Variants in TRAPPC9 observed in about 807,000 individuals in gnomAD.
TRAPPC9 encodes IKK2 binding protein.
A neutral mutation model predicts 124.0 loss-of-function variants in TRAPPC9; 83 were observed. The ratio of observed to expected loss-of-function variants is 0.67; its 90% CI spans 0.56 to 0.80. The LOEUF is 0.80. TRAPPC9 is among the 30% of genes least tolerant of loss of function. The pLI is 0.00. For synonymous variants in TRAPPC9, 638 were observed against 617.5 expected (o/e 1.03, Z -0.49); for missense variants, 1,302 against 1,508.3 (o/e 0.86, Z 2.27).
At chr8:140,380,732 G>A (rs1322394502) in intron 7 of TRAPPC9, among the ~76,000 whole-genome samples, 2 of 150,848 alleles carry the variant, frequency 1.3e-5, no homozygotes, top group Admixed American at 1.3e-4. Context: ...ACTCAAAATG[G>A]GTCACAGACC....
intron 21 of TRAPPC9, among the ~76,000 whole-genome samples, chr8:139,839,094 G>A (rs1171809144): frequency 1.3e-5 from 2 of 152,222 alleles, no homozygotes; most frequent in African/African-American, 4.8e-5. Flanking sequence ...TCTCCCTCAG[G>A]GTGCATCTTT....
At chr8:140,157,389 A>AAGCCTCCCTTTTCCATTCAG (rs2061672583) in intron 17 of TRAPPC9, among the ~76,000 whole-genome samples, 1 of 149,782 alleles carries the variant, frequency 6.7e-6, no homozygotes, top group African/African-American at 2.4e-5. Context: ...TTTCCATTCA[A>AAGCCTCCCTTTTCCATTCAG]AAGCCTTCCT....
At chr8:140,313,838 A>AGG (rs2066374438) in intron 9 of TRAPPC9, among the ~76,000 whole-genome samples, 2 of 152,164 alleles carry the variant, frequency 1.3e-5, no homozygotes, top group Non-Finnish European at 2.9e-5. Context: ...TGCTAGGGAC[A>AGG]GGGAATGGGG....
In TRAPPC9 at chr8:139,731,962, T is replaced by C. The variant is rs552211260; in HGVS notation, c.3279+17A>G. On this transcript the variant is annotated intron_variant, in intron 22 of 22. Coordinates refer to ENST00000438773, the MANE Select transcript of TRAPPC9 (RefSeq NM_001160372.4). ...ATGGCCAGAGGCTCCCAGACCGCCTTGCACACCACCACGCACCGCGTCGAG... is the reference window on the plus strand; with the variant it reads ...ATGGCCAGAGGCTCCCAGACCGCCTCGCACACCACCACGCACCGCGTCGAG... 120 of 1,559,000 alleles carry C rather than the reference T, an allele frequency of 7.7e-5. No homozygotes were observed. Among genetic ancestry groups the C allele is most frequent in the Non-Finnish European group, 1.0e-4 (119 of 1,150,854 alleles).
intron 11 of TRAPPC9, among the ~76,000 whole-genome samples, chr8:140,298,266 G>A (rs1027060855): frequency 2.6e-5 from 4 of 152,028 alleles, no homozygotes; most frequent in Non-Finnish European, 4.4e-5. Flanking sequence ...TAAGGCATTC[G>A]GATAATTTAC....
intron 17 of TRAPPC9, among the ~76,000 whole-genome samples, chr8:140,105,780 G>A (rs754960111): frequency 6.6e-6 from 1 of 152,046 alleles, no homozygotes; most frequent in African/African-American, 2.4e-5. Context: ...TCACCCTGTG[G>A]GGGGAGGCTC....
chr8:140,064,647 G>C (rs1435778434), intron 17 of TRAPPC9, among the ~76,000 whole-genome samples: 4 of 152,152 alleles, frequency 2.6e-5, no homozygotes, highest in Non-Finnish European at 5.9e-5. Flanking sequence ...TAAGTGCAGC[G>C]GCAGGAAGCT....
intron 2 of TRAPPC9, among the ~76,000 whole-genome samples, chr8:140,447,167 A>T (rs1263316842): frequency 2.0e-5 from 3 of 152,056 alleles, no homozygotes; most frequent in Non-Finnish European, 4.4e-5. Context: ...AAACAAACAA[A>T]CCAAAGAATA....
intron 16 of TRAPPC9, among the ~76,000 whole-genome samples, chr8:140,233,640 C>T (rs2063660877): frequency 1.4e-5 from 2 of 146,102 alleles, no homozygotes; most frequent in South Asian, 4.5e-4. Context: ...CACACACACA[C>T]ACACACACAC....
At chr8:140,370,592 T>A (rs576763736) in intron 8 of TRAPPC9, among the ~76,000 whole-genome samples, 1 of 152,364 alleles carries the variant, frequency 6.6e-6, no homozygotes, top group South Asian at 2.1e-4. Context: ...AATGCATAGC[T>A]CAGGTATACA....
At chr8:139,832,186 C>T (rs1826038271) in intron 21 of TRAPPC9, among the ~76,000 whole-genome samples, 1 of 152,224 alleles carries the variant, frequency 6.6e-6, no homozygotes, top group East Asian at 1.9e-4. Context: ...CCAGACTCAT[C>T]AGATCAAGTC....
intron 21 of TRAPPC9, among the ~76,000 whole-genome samples, chr8:139,774,780 C>T (rs1821243827): frequency 6.6e-6 from 1 of 152,182 alleles, no homozygotes; most frequent in Non-Finnish European, 1.5e-5. Context: ...GGCAAGGGAG[C>T]AGAATCTCTC....
chr8:140,444,663 C>T (rs1437410496), intron 2 of TRAPPC9, among the ~76,000 whole-genome samples: 1 of 151,962 alleles, frequency 6.6e-6, no homozygotes, highest in Non-Finnish European at 1.5e-5. Flanking sequence ...GCGTTCAAGA[C>T]CAGCCTAGCC....
chr8:140,384,794 G>A (rs921575215), intron 7 of TRAPPC9, among the ~76,000 whole-genome samples: 5 of 152,104 alleles, frequency 3.3e-5, no homozygotes, highest in African/African-American at 1.2e-4. Context: ...ACCAGGAATT[G>A]AACTCAGCTC....
chr8:139,771,541 A>G (rs1390309519), intron 21 of TRAPPC9, among the ~76,000 whole-genome samples: 1 of 152,180 alleles, frequency 6.6e-6, no homozygotes, highest in Non-Finnish European at 1.5e-5. Flanking sequence ...AATAAAAAAC[A>G]TGCAGGAGAG....
At chr8:140,402,695 CAA>C (rs879634035) in intron 6 of TRAPPC9, among the ~76,000 whole-genome samples, 5 of 122,324 alleles carry the variant, frequency 4.1e-5, no homozygotes, top group Admixed American at 1.7e-4. Context: ...AACCCTGTCT[CAA>C]AAAAAAAAAA....
intron 19 of TRAPPC9, among the ~76,000 whole-genome samples, chr8:139,947,765 G>A (rs1316850923): frequency 2.0e-5 from 3 of 150,842 alleles, no homozygotes; most frequent in Non-Finnish European, 4.4e-5. Context: ...CTACTCAGGA[G>A]GCTGAGGAAG....
chr8:140,196,948 G>A (rs754694278), intron 17 of TRAPPC9, among the ~76,000 whole-genome samples: 42 of 151,564 alleles, frequency 2.8e-4, no homozygotes, highest in Non-Finnish European at 2.4e-4. Context: ...AACGATCCAC[G>A]CGTGAACTCC....
At chr8:139,784,606 G>GAC (rs1441026628) in intron 21 of TRAPPC9, among the ~76,000 whole-genome samples, 1 of 30,434 alleles carries the variant, frequency 3.3e-5, no homozygotes, top group African/African-American at 9.7e-5. Context: ...ATAAAAGACT[G>GAC]ACATATATAT....
Sources: allele counts gnomAD v4.1 joint callset (sites outside exome capture counted in the v4.1 genomes callset), GRCh38; gene constraint gnomAD v4.1.1; transcripts MANE v1.5; gene names NCBI Gene and HGNC (gene_info 2026-07-23, HGNC 2026-07-21).